CNTN5: variants seen among roughly 807,000 people sequenced by gnomAD.
CNTN5 encodes the protein contactin 5.
CNTN5 carries 77 observed loss-of-function variants against 129.1 expected under a neutral mutation model. The ratio of observed to expected loss-of-function variants is 0.60; its 90% CI spans 0.50 to 0.72. The LOEUF is 0.72. Among genes scored for constraint, CNTN5 ranks in the 30% least tolerant of loss-of-function variants. The probability of loss-of-function intolerance (pLI) is 0.00; values close to 1 mark genes in which losing one functional copy is unlikely to be tolerated. For missense variants in CNTN5, 1,478 were observed against 1,328.8 expected, an observed-to-expected ratio of 1.11 and a Z score of -1.75; for synonymous variants, 509 against 465.6, an observed-to-expected ratio of 1.09 and a Z score of -1.20.
chr11:100,245,029 C>T (rs1036108576), intron 16 of CNTN5, among the ~76,000 whole-genome samples: 2 of 152,110 alleles, frequency 1.3e-5, no homozygotes, highest in African/African-American at 4.8e-5. Flanking sequence ...AATGTGTCCA[C>T]TTGTAGATAA....
At chr11:99,777,570 A>G (rs1375598007) in intron 3 of CNTN5, among the ~76,000 whole-genome samples, 1 of 151,838 alleles carries the variant, frequency 6.6e-6, no homozygotes, top group Non-Finnish European at 1.5e-5. Context: ...ATATAAGGTC[A>G]ATCAAAAAGT....
At chr11:99,810,284 C>A (rs1946391586) in intron 3 of CNTN5, among the ~76,000 whole-genome samples, 1 of 152,166 alleles carries the variant, frequency 6.6e-6, no homozygotes, top group South Asian at 2.1e-4. Context: ...ATATTTACAG[C>A]ATACCTGAGT....
chr11:99,275,457 G>A (rs1345093304), intron 1 of CNTN5, among the ~76,000 whole-genome samples: 2 of 151,374 alleles, frequency 1.3e-5, no homozygotes, highest in African/African-American at 4.9e-5. Context: ...CCTAATAAAT[G>A]CTTTTTGAAT....
At chr11:99,248,110 T>A (rs376803421) in intron 1 of CNTN5, among the ~76,000 whole-genome samples, 13 of 152,162 alleles carry the variant, frequency 8.5e-5, no homozygotes, top group Admixed American at 8.5e-4. Flanking sequence ...TCTCCACATC[T>A]TCTCCAGCAC....
At chr11:99,067,299 G>A (rs1192254209) in intron 1 of CNTN5, among the ~76,000 whole-genome samples, 1 of 152,078 alleles carries the variant, frequency 6.6e-6, no homozygotes, top group Non-Finnish European at 1.5e-5. Flanking sequence ...AGATCCTAAT[G>A]CAGCTCAAAG....
intron 9 of CNTN5, among the ~76,000 whole-genome samples, chr11:100,007,447 T>TA (rs1940264408): frequency 6.6e-6 from 1 of 152,118 alleles, no homozygotes; most frequent in African/African-American, 2.4e-5. Flanking sequence ...TCAATTATCT[T>TA]AGATAGATTT....
At chr11:99,791,542 G>A (rs1945743066) in intron 3 of CNTN5, among the ~76,000 whole-genome samples, 2 of 151,936 alleles carry the variant, frequency 1.3e-5, no homozygotes, top group Admixed American at 1.3e-4. Context: ...TTTGAAGTTG[G>A]GTCACGTGAT....
intron 9 of CNTN5, among the ~76,000 whole-genome samples, chr11:100,039,243 G>A (rs1179039555): frequency 6.6e-6 from 1 of 152,120 alleles, no homozygotes; most frequent in Non-Finnish European, 1.5e-5. Context: ...AATTTGGCTG[G>A]ATATGAAATT....
At chr11:99,623,882 C>T (rs775618269) in intron 3 of CNTN5, among the ~76,000 whole-genome samples, 25 of 152,054 alleles carry the variant, frequency 1.6e-4, no homozygotes, top group Non-Finnish European at 3.5e-4. Flanking sequence ...TTCTGACATA[C>T]ATCATTTAAA....
chr11:100,146,604 T>C (rs1946858615), intron 13 of CNTN5, among the ~76,000 whole-genome samples: 1 of 152,162 alleles, frequency 6.6e-6, no homozygotes, highest in Non-Finnish European at 1.5e-5. Context: ...TGTAACAAAT[T>C]ATTCATTTCA....
intron 2 of CNTN5, among the ~76,000 whole-genome samples, chr11:99,486,404 G>T (rs574452342): frequency 6.6e-6 from 1 of 152,190 alleles, no homozygotes; most frequent in Admixed American, 6.5e-5. Context: ...TCCAAGCATA[G>T]TGCATAACAA....
chr11:99,957,081 T>G (rs997873541), intron 8 of CNTN5, 72 bp downstream of exon 8: 2 of 1,315,650 alleles, frequency 1.5e-6, no homozygotes, highest in Admixed American at 2.7e-5. Flanking sequence ...AGTGTGTGTT[T>G]TTTTTTTAAG....
intron 1 of CNTN5, among the ~76,000 whole-genome samples, chr11:99,237,609 A>G (rs1861344596): frequency 1.3e-5 from 2 of 152,222 alleles, no homozygotes; most frequent in Admixed American, 1.3e-4. Context: ...TGAACCCGGG[A>G]GGCGGAGGTT....
chr11:100,110,899 G>A (rs1945636017), intron 13 of CNTN5, among the ~76,000 whole-genome samples: 1 of 151,900 alleles, frequency 6.6e-6, no homozygotes, highest in Non-Finnish European at 1.5e-5. Flanking sequence ...ATTATCTTTT[G>A]GCATTTATGC....
At chr11:100,058,859 A>C (rs1943349056) in intron 9 of CNTN5, among the ~76,000 whole-genome samples, 2 of 152,142 alleles carry the variant, frequency 1.3e-5, no homozygotes, top group African/African-American at 2.4e-5. Flanking sequence ...AAAAGAAAAA[A>C]TTCTAGCTGG....
intron 21 of CNTN5, among the ~76,000 whole-genome samples, chr11:100,318,020 T>C (rs1951602728): frequency 6.6e-6 from 1 of 151,996 alleles, no homozygotes; most frequent in South Asian, 2.1e-4. Flanking sequence ...GATGGGCGGA[T>C]CATGAGGTCA....
intron 8 of CNTN5, among the ~76,000 whole-genome samples, chr11:99,990,451 T>TACAC (rs200252748): frequency 0.034 from 3,332 of 99,458 alleles, 67 homozygotes; most frequent in Middle Eastern, 0.049. Context: ...AGAATATATA[T>TACAC]ATATACACAC....
intron 2 of CNTN5, among the ~76,000 whole-genome samples, chr11:99,355,826 T>TTTTTTTTTTTG (rs1938615984): frequency 6.6e-6 from 1 of 151,064 alleles, no homozygotes; most frequent in Non-Finnish European, 1.5e-5. Flanking sequence ...TTTTTGTTTT[T>TTTTTTTTTTTG]TTTTTTTTTG....
intron 3 of CNTN5, among the ~76,000 whole-genome samples, chr11:99,660,963 G>T (rs1952572924): frequency 1.3e-5 from 2 of 151,614 alleles, no homozygotes; most frequent in Non-Finnish European, 2.9e-5. Flanking sequence ...CTAGCATCTG[G>T]GAAAATACAT....
Sources: allele counts gnomAD v4.1 joint callset (sites outside exome capture counted in the v4.1 genomes callset), GRCh38; gene constraint gnomAD v4.1.1; transcripts MANE v1.5; gene names NCBI Gene and HGNC (gene_info 2026-07-23, HGNC 2026-07-21).